FRMD3: variants seen among roughly 807,000 people sequenced by gnomAD.
FRMD3 encodes FERM domain-containing protein 3.
Under a neutral mutation model 70.2 loss-of-function variants are expected in FRMD3, and 33 were observed. The ratio of observed to expected loss-of-function variants is 0.47; its 90% CI spans 0.36 to 0.63. The LOEUF (loss-of-function observed/expected upper bound fraction) is 0.63. Ranked by LOEUF, FRMD3 falls within the 20% of genes least tolerant of loss-of-function variation. The pLI is 0.00. For missense variants in FRMD3, 632 were observed against 711.4 expected, an observed-to-expected ratio of 0.89 and a Z score of 1.27; for synonymous variants, 279 against 255.9, an observed-to-expected ratio of 1.09 and a Z score of -0.86.
In FRMD3 at chr9:83,424,329, C is replaced by G. The variant is rs182245921; in HGVS notation, c.148-34621G>C. 4.1e-3 allele frequency among the ~76,000 whole-genome samples: 625 copies of G among 152,304 alleles called. 2 individuals are homozygous for G. The highest frequency in any genetic ancestry group is 7.1e-3 in the Non-Finnish European group (485 of 68,024). The stretch of plus-strand genomic sequence containing the variant: ...ACAGAATCACTTTCCCTTGTCTACC[C>G]TTCCACCCTTACACTATGTGGTTTT... On this transcript the variant is annotated intron_variant, in intron 1 of 13. Coordinates refer to ENST00000304195, the MANE Select transcript of FRMD3 (RefSeq NM_174938.6).
At chr9:83,260,644 C>T (rs7028102) in intron 13 of FRMD3, among the ~76,000 whole-genome samples, 8,064 of 152,186 alleles carry the variant, frequency 0.053, 307 homozygotes, top group Non-Finnish European at 0.084. Context: ...ATCATAGCCA[C>T]GATAGAAGCC....
chr9:83,506,820 C>T (rs1829192487), intron 1 of FRMD3, among the ~76,000 whole-genome samples: 1 of 152,140 alleles, frequency 6.6e-6, no homozygotes, highest in South Asian at 2.1e-4. Flanking sequence ...TAGCTTAAAA[C>T]AAAAACATTG....
In FRMD3 at chr9:83,401,142, C is replaced by T. The variant is rs913655626; in HGVS notation, c.148-11434G>A. Among the ~76,000 whole-genome samples, 10 of 152,184 alleles carry T rather than the reference C, an allele frequency of 6.6e-5. No individual in the cohort carries two copies. The East Asian group carries it at 9.6e-4, about 15-fold the overall frequency. ...TCAACTATTCATTGGATTTCATCCACGTAAGCCCCAGGAGCTAATTGCGTT... is the reference window on the plus strand; with the variant it reads ...TCAACTATTCATTGGATTTCATCCATGTAAGCCCCAGGAGCTAATTGCGTT... On this transcript the variant is annotated intron_variant, in intron 1 of 13. Coordinates refer to ENST00000304195, the MANE Select transcript of FRMD3 (RefSeq NM_174938.6).
At chr9:83,345,512 A>G (rs1823926378) in intron 4 of FRMD3, among the ~76,000 whole-genome samples, 1 of 152,076 alleles carries the variant, frequency 6.6e-6, no homozygotes, top group African/African-American at 2.4e-5. Flanking sequence ...AATCCCAGCA[A>G]TTTGGGAGGC....
At chr9:83,303,521 A>T (rs112185304) in intron 10 of FRMD3, among the ~76,000 whole-genome samples, 1 of 152,348 alleles carries the variant, frequency 6.6e-6, no homozygotes, top group African/African-American at 2.4e-5. Context: ...AGAGCCCAAG[A>T]ATCTGCATTT....
intron 1 of FRMD3, among the ~76,000 whole-genome samples, chr9:83,494,254 G>C (rs925230802): frequency 1.3e-5 from 2 of 152,242 alleles, no homozygotes; most frequent in African/African-American, 4.8e-5. Context: ...TCCACAGTGT[G>C]TGGAGGTGGT....
rs757603279 is a variant in FRMD3, at chr9:83,248,003, T to C, written c.1709A>G (p.Gln570Arg). 1.2e-6 allele frequency: 2 copies of C among 1,614,196 alleles called. No individual in the cohort carries two copies. Among genetic ancestry groups the C allele is most frequent in the South Asian group, 1.1e-5 (1 of 91,076 alleles). Residue 570 changes from glutamine to arginine, a missense_variant, in exon 14 of 14, where the codon CAG becomes CGG. Gln to Arg is a conservative substitution (Grantham distance 43). Transcript: ENST00000304195. ...CEIRQTPEFE[Q>R]FHYEYYCPLK... ...GGGACAGTAGTATTCATAGTGAAAC[T>C]GCTCAAACTCTGGTGTCTGGCGGAT...
At chr9:83,549,467 C>A in the FRMD3 span, among the ~76,000 whole-genome samples, 1 of 152,270 alleles carries the variant, frequency 6.6e-6, no homozygotes, top group African/African-American at 2.4e-5. Flanking sequence ...TGGGTATACA[C>A]CCAGTAATAG....
intron 4 of FRMD3, among the ~76,000 whole-genome samples, chr9:83,349,276 T>C (rs1390498849): frequency 6.6e-6 from 1 of 152,074 alleles, no homozygotes; most frequent in African/African-American, 2.4e-5. Context: ...GAAGGCAGGA[T>C]GACAGACAAT....
chr9:83,299,955 C>T (rs889196034), intron 10 of FRMD3, among the ~76,000 whole-genome samples: 2 of 152,224 alleles, frequency 1.3e-5, no homozygotes, highest in African/African-American at 4.8e-5. Flanking sequence ...GATGGCTCTA[C>T]AGCAGTCATG....
chr9:83,444,024 GCT>G (rs1827384027), intron 1 of FRMD3, among the ~76,000 whole-genome samples: 1 of 152,120 alleles, frequency 6.6e-6, no homozygotes, highest in Non-Finnish European at 1.5e-5. Context: ...TTTTATTTTT[GCT>G]TCCTTTTTAA....
intron 13 of FRMD3, among the ~76,000 whole-genome samples, chr9:83,289,180 C>A (rs1834323565): frequency 6.6e-6 from 1 of 152,202 alleles, no homozygotes; most frequent in South Asian, 2.1e-4. Context: ...AACTGCTTTT[C>A]TTTCATTTGC....
chr9:83,285,077 C>T lies in FRMD3; in HGVS notation c.1195+5526G>A, dbSNP rs117870905. On this transcript the variant is annotated intron_variant, in intron 13 of 13. Coordinates refer to ENST00000304195, the MANE Select transcript of FRMD3 (RefSeq NM_174938.6). ...TTTTTACATGCACGAAATGCCTTTG[C>T]GTGTTCACACACAGACTTTCTAGAA... Among the ~76,000 whole-genome samples, 448 of 152,308 alleles carry T rather than the reference C, an allele frequency of 2.9e-3. 5 individuals carry two copies. The highest frequency in any genetic ancestry group is 0.017 in the East Asian group (88 of 5,186).
At chr9:83,273,127 A>T (rs1297115668) in intron 13 of FRMD3, among the ~76,000 whole-genome samples, 4 of 152,150 alleles carry the variant, frequency 2.6e-5, no homozygotes, top group Non-Finnish European at 5.9e-5. Flanking sequence ...CCCATCTGGG[A>T]GGTGTACCCA....
At chr9:83,290,174 A>T (rs1384368498) in intron 13 of FRMD3, among the ~76,000 whole-genome samples, 2 of 152,242 alleles carry the variant, frequency 1.3e-5, no homozygotes, top group African/African-American at 4.8e-5. Context: ...GTGATAGAGG[A>T]AATTATCTCA....
intron 1 of FRMD3, among the ~76,000 whole-genome samples, chr9:83,447,574 C>G (rs1003661207): frequency 3.3e-5 from 5 of 152,192 alleles, no homozygotes; most frequent in African/African-American, 1.2e-4. Flanking sequence ...GTGAGGGGAC[C>G]TGCAGTCAGA....
chr9:83,500,156 T>C (rs906978965), intron 1 of FRMD3, among the ~76,000 whole-genome samples: 2 of 152,130 alleles, frequency 1.3e-5, no homozygotes, highest in African/African-American at 4.8e-5. Context: ...TATAATCCTG[T>C]AATGGTGGAT....
intron 1 of FRMD3, among the ~76,000 whole-genome samples, chr9:83,474,150 C>T (rs1457066224): frequency 6.6e-6 from 1 of 152,182 alleles, no homozygotes; most frequent in Non-Finnish European, 1.5e-5. Flanking sequence ...ATCACTACCG[C>T]ATCCTTCAAA....
At chr9:83,478,898 T>C (rs1324001728) in intron 1 of FRMD3, among the ~76,000 whole-genome samples, 1 of 152,170 alleles carries the variant, frequency 6.6e-6, no homozygotes, top group Non-Finnish European at 1.5e-5. Flanking sequence ...TATTATGTTG[T>C]AATTATTTAT....
Sources: gnomAD v4.1 joint callset for allele counts (sites outside exome capture counted in the v4.1 genomes callset) on GRCh38, gnomAD v4.1.1 for gene constraint, MANE v1.5 for transcripts, NCBI Gene and HGNC (gene_info 2026-07-23, HGNC 2026-07-21) for gene names.